FRMD4A: variants seen among roughly 807,000 people sequenced by gnomAD.
FRMD4A encodes the protein FERM domain containing 4A, also known as FERM domain-containing protein 4A.
FRMD4A carries 29 observed loss-of-function variants against 129.1 expected under a neutral mutation model. The observed-to-expected ratio is 0.22, with a 90% CI of 0.17 to 0.31. The LOEUF is 0.31. FRMD4A is among the 10% of genes least tolerant of loss of function. FRMD4A has a pLI of 1.00. For synonymous variants in FRMD4A, 634 were observed against 571.6 expected, an observed-to-expected ratio of 1.11 and a Z score of -1.56; for missense variants, 1,272 against 1,375.8, an observed-to-expected ratio of 0.92 and a Z score of 1.19.
intron 15 of FRMD4A, chr10:13,684,537 G>A (rs1223434512): frequency 6.1e-6 from 6 of 985,400 alleles, no homozygotes; most frequent in South Asian, 4.7e-5. Context: ...CTCTCCTCCC[G>A]GCCGGCAGAC....
intron 2 of FRMD4A, among the ~76,000 whole-genome samples, chr10:13,990,470 G>A (rs1187047748): frequency 6.6e-6 from 1 of 152,166 alleles, no homozygotes. Context: ...CCTTCCTTGT[G>A]GAGCATGTCT....
At chr10:14,132,122 C>G (rs567162482) in intron 2 of FRMD4A, among the ~76,000 whole-genome samples, 1 of 152,216 alleles carries the variant, frequency 6.6e-6, no homozygotes, top group South Asian at 2.1e-4. Context: ...CCCATCTCCA[C>G]TAAAAATACA....
At chr10:13,654,385 A>G (rs778089059) in intron 23 of FRMD4A, 31 bp downstream of exon 23, 1 of 1,359,824 alleles carries the variant, frequency 7.4e-7, no homozygotes, top group South Asian at 1.2e-5. Flanking sequence ...TTTCGAGCTG[A>G]CACAGTGAAG....
At chr10:14,126,948 C>G (rs1246797293) in intron 2 of FRMD4A, among the ~76,000 whole-genome samples, 3 of 152,132 alleles carry the variant, frequency 2.0e-5, no homozygotes, top group Non-Finnish European at 2.9e-5. Context: ...ACTCACTTGA[C>G]AAATATTTGA....
intron 2 of FRMD4A, among the ~76,000 whole-genome samples, chr10:14,157,355 G>C (rs1409752): frequency 0.76 from 115,224 of 152,202 alleles, 44,324 homozygotes; most frequent in African/African-American, 0.91. Context: ...ATCATCGCCT[G>C]CATATCATAC....
intron 8 of FRMD4A, among the ~76,000 whole-genome samples, chr10:13,759,364 C>T (rs2091980574): frequency 6.6e-6 from 1 of 152,200 alleles, no homozygotes; most frequent in African/African-American, 2.4e-5. Flanking sequence ...CTGTGGAGGC[C>T]AAGCCTGCAC....
At chr10:13,705,630 T>C (rs951709865) in intron 13 of FRMD4A, among the ~76,000 whole-genome samples, 4 of 152,204 alleles carry the variant, frequency 2.6e-5, no homozygotes, top group Non-Finnish European at 5.9e-5. Context: ...AAATGAACAG[T>C]GAGTTTCTTC....
chr10:13,840,093 T>G (rs895299292), intron 3 of FRMD4A, among the ~76,000 whole-genome samples: 1 of 152,202 alleles, frequency 6.6e-6, no homozygotes, highest in African/African-American at 2.4e-5. Flanking sequence ...GAGGTCACTG[T>G]TAGGGACTGA....
chr10:14,075,543 C>T (rs1835540169), intron 2 of FRMD4A, among the ~76,000 whole-genome samples: 1 of 152,202 alleles, frequency 6.6e-6, no homozygotes, highest in Non-Finnish European at 1.5e-5. Flanking sequence ...TCAAAACCAA[C>T]AGTGAAAAAG....
At chr10:13,890,794 G>A (rs572242305) in intron 2 of FRMD4A, 2 of 985,252 alleles carry the variant, frequency 2.0e-6, no homozygotes, top group East Asian at 1.1e-4. Flanking sequence ...ACTTCCCGGG[G>A]GGCTGGCATG....
intron 2 of FRMD4A, among the ~76,000 whole-genome samples, chr10:14,283,275 A>T (rs1053044058): frequency 6.6e-6 from 1 of 152,202 alleles, no homozygotes; most frequent in Non-Finnish European, 1.5e-5. Context: ...CAGGGTTAAA[A>T]TGGTTTTGAA....
At chr10:14,112,541 T>C (rs201354170) in intron 2 of FRMD4A, among the ~76,000 whole-genome samples, 2 of 152,246 alleles carry the variant, frequency 1.3e-5, no homozygotes, top group Admixed American at 6.5e-5. Flanking sequence ...TCTTCCTTTT[T>C]TTGAGATGGA....
In FRMD4A at chr10:13,822,304, A is replaced by C. The variant is rs115095436; in HGVS notation, c.112-11396T>G. The stretch of plus-strand genomic sequence containing the variant: ...AACCACGATGTACAATAGATCTCCT[A>C]AACAAAGCTTTGCTTGCTTTTAAAT... On this transcript the variant is annotated intron_variant, in intron 3 of 24. Transcript: ENST00000357447. 9.3e-3 allele frequency among the ~76,000 whole-genome samples: 1,415 copies of C among 152,334 alleles called. 27 individuals carry two copies. The highest frequency in any genetic ancestry group is 0.033 in the African/African-American group (1,354 of 41,576).
intron 2 of FRMD4A, among the ~76,000 whole-genome samples, chr10:14,171,759 A>C (rs1012147852): frequency 1.3e-5 from 2 of 151,690 alleles, no homozygotes; most frequent in Non-Finnish European, 3.0e-5. Flanking sequence ...TAAACTGTCC[A>C]TAAGTTATTG....
At chr10:14,120,242 G>C (rs548458695) in intron 2 of FRMD4A, among the ~76,000 whole-genome samples, 1 of 151,890 alleles carries the variant, frequency 6.6e-6, no homozygotes, top group South Asian at 2.1e-4. Flanking sequence ...TACGTACACT[G>C]CTTTTTTTTT....
chr10:13,864,338 CAAA>C (rs149602938), intron 2 of FRMD4A, among the ~76,000 whole-genome samples: 26 of 114,648 alleles, frequency 2.3e-4, no homozygotes, highest in Non-Finnish European at 4.1e-4. Context: ...CATCTTGAGT[CAAA>C]AAAAAAAAAA....
At chr10:13,669,833 C>T (rs887130495) in intron 17 of FRMD4A, among the ~76,000 whole-genome samples, 3 of 152,180 alleles carry the variant, frequency 2.0e-5, no homozygotes, top group Non-Finnish European at 2.9e-5. Context: ...CATCTTCACC[C>T]GTGTTCAGTC....
intron 2 of FRMD4A, among the ~76,000 whole-genome samples, chr10:14,274,974 G>A (rs1200805895): frequency 1.3e-5 from 2 of 152,206 alleles, no homozygotes; most frequent in Admixed American, 1.3e-4. Context: ...CAGTTTTCAG[G>A]TTGACTTCTG....
chr10:14,212,632 C>G (rs1013939770), intron 2 of FRMD4A, among the ~76,000 whole-genome samples: 4 of 152,110 alleles, frequency 2.6e-5, no homozygotes, highest in African/African-American at 9.7e-5. Flanking sequence ...AGTAGGAGAC[C>G]AGGAGGATGA....
Sources: allele counts gnomAD v4.1 joint callset (sites outside exome capture counted in the v4.1 genomes callset), GRCh38; gene constraint gnomAD v4.1.1; transcripts MANE v1.5; gene names NCBI Gene and HGNC (gene_info 2026-07-23, HGNC 2026-07-21).